ATP8B4: variants seen among roughly 807,000 people sequenced by gnomAD.
ATP8B4 encodes ATPase phospholipid transporting 8B4 (putative).
ATP8B4 carries 133 observed loss-of-function variants against 145.6 expected under a neutral mutation model. The ratio of observed to expected loss-of-function variants is 0.91; its 90% CI spans 0.79 to 1.05. ATP8B4 has a LOEUF of 1.05. Among genes scored for constraint, ATP8B4 ranks in the 50% least tolerant of loss-of-function variants. ATP8B4 has a pLI of 0.00. For missense variants in ATP8B4, 1,458 were observed against 1,425.2 expected (o/e 1.02, Z -0.37); for synonymous variants, 507 against 492.9 (o/e 1.03, Z -0.38).
In ATP8B4 at chr15:50,031,037, G is replaced by A. The variant is rs562046635; in HGVS notation, c.362+7731C>T. Among the ~76,000 whole-genome samples the A allele has an allele frequency of 5.3e-5, 8 of 152,234 alleles. No individual in the cohort carries two copies. The South Asian group carries it at 1.7e-3, about 32-fold the overall frequency. ...ACTGCCCAAGAAATGATCAATCCAA[G>A]ACTTAAGAAGCTGAAATTAACTTAT... On this transcript the variant is annotated intron_variant, in intron 6 of 27. Coordinates refer to ENST00000284509, the MANE Select transcript of ATP8B4 (RefSeq NM_024837.4).
intron 1 of ATP8B4, among the ~76,000 whole-genome samples, chr15:50,143,584 TATACA>T (rs2044239597): frequency 9.2e-6 from 1 of 108,950 alleles, no homozygotes; most frequent in African/African-American, 5.4e-5. Context: ...AGTTATTGAC[TATACA>T]GAGTCAGCCG....
intron 6 of ATP8B4, among the ~76,000 whole-genome samples, chr15:50,029,480 T>C (rs978037049): frequency 1.3e-5 from 2 of 152,112 alleles, no homozygotes; most frequent in Non-Finnish European, 2.9e-5. Flanking sequence ...GTCTCTTCTT[T>C]CCTTCTCTTC....
At chr15:50,109,017 G>A (rs115701279) in intron 1 of ATP8B4, among the ~76,000 whole-genome samples, 252 of 152,164 alleles carry the variant, frequency 1.7e-3, no homozygotes, top group African/African-American at 5.9e-3. Context: ...CCCAGACCCC[G>A]GCCCCAAAAT....
intron 7 of ATP8B4, among the ~76,000 whole-genome samples, chr15:50,003,273 C>CGTGTGTGTGTGT (rs1491248763): frequency 7.0e-5 from 6 of 85,886 alleles, no homozygotes; most frequent in South Asian, 9.3e-4. Flanking sequence ...ATAGGGTGTG[C>CGTGTGTGTGTGT]ATGTGTGTGT....
chr15:50,034,769 G>A (rs2050711003), intron 6 of ATP8B4, among the ~76,000 whole-genome samples: 2 of 152,162 alleles, frequency 1.3e-5, no homozygotes, highest in South Asian at 2.1e-4. Flanking sequence ...TTTGAGGAGC[G>A]TGGGATTAGG....
intron 11 of ATP8B4, among the ~76,000 whole-genome samples, chr15:49,980,977 A>G (rs2046101053): frequency 6.6e-6 from 1 of 152,238 alleles, no homozygotes; most frequent in Non-Finnish European, 1.5e-5. Flanking sequence ...TTGTAAGACC[A>G]TGAATACCTC....
At chr15:50,050,431 T>C (rs1221823394) in intron 3 of ATP8B4, among the ~76,000 whole-genome samples, 1 of 152,208 alleles carries the variant, frequency 6.6e-6, no homozygotes, top group African/African-American at 2.4e-5. Flanking sequence ...TTTCTATACA[T>C]TTATAGTTGG....
chr15:50,164,073 A>T (rs2044560862), intron 1 of ATP8B4, among the ~76,000 whole-genome samples: 1 of 152,134 alleles, frequency 6.6e-6, no homozygotes, highest in African/African-American at 2.4e-5. Flanking sequence ...GTTGTTCAGG[A>T]GCCAATGCCT....
chr15:50,155,903 C>A (rs1289414881), intron 1 of ATP8B4, among the ~76,000 whole-genome samples: 1 of 151,064 alleles, frequency 6.6e-6, no homozygotes, highest in Non-Finnish European at 1.5e-5. Context: ...AGGCTGTGAA[C>A]TACAATTTTG....
chr15:49,946,065 T>C (rs957881599), intron 14 of ATP8B4, among the ~76,000 whole-genome samples: 4 of 152,196 alleles, frequency 2.6e-5, no homozygotes, highest in Non-Finnish European at 5.9e-5. Flanking sequence ...AAAATGTCCC[T>C]ATGTGAAGAT....
Position 49,928,412 on chromosome 15 carries a change from C to T in ATP8B4, c.1642+2707G>A, listed in dbSNP as rs115271375. On this transcript the variant is annotated intron_variant, in intron 16 of 27. Transcript: ENST00000284509. ...TCCAAAGGGTATAACAGCAACAATG[C>T]ATCCAGGGATGGTGAGGTCTAGTTG... Among the ~76,000 whole-genome samples, 1,510 of 152,132 alleles carry T rather than the reference C, an allele frequency of 9.9e-3. 32 individuals carry two copies. Among genetic ancestry groups the T allele is most frequent in the African/African-American group, 0.035 (1,469 of 41,518 alleles).
chr15:50,011,193 T>G (rs1599791788), intron 6 of ATP8B4, among the ~76,000 whole-genome samples: 1 of 152,250 alleles, frequency 6.6e-6, no homozygotes, highest in Middle Eastern at 3.4e-3. Flanking sequence ...GGTGCCAGCT[T>G]TATGCAGCAG....
At chr15:49,937,873 C>T (rs1273339477) in intron 14 of ATP8B4, among the ~76,000 whole-genome samples, 4 of 152,088 alleles carry the variant, frequency 2.6e-5, no homozygotes, top group Non-Finnish European at 5.9e-5. Context: ...TTATCATGCA[C>T]CTACTGTGGG....
chr15:49,953,121 C>CT (rs1723022081), intron 14 of ATP8B4, among the ~76,000 whole-genome samples: 1 of 152,074 alleles, frequency 6.6e-6, no homozygotes. Flanking sequence ...GGGCACCAAC[C>CT]TGATGCCAGT....
chr15:49,877,056 G>A (rs1277846980), intron 24 of ATP8B4, among the ~76,000 whole-genome samples: 1 of 152,206 alleles, frequency 6.6e-6, no homozygotes, highest in African/African-American at 2.4e-5. Flanking sequence ...CTGCATTTGG[G>A]ATTCCAGGTG....
intron 6 of ATP8B4, among the ~76,000 whole-genome samples, chr15:50,029,255 A>AAAAAAAACAAC (rs776952913): frequency 1.4e-5 from 2 of 141,156 alleles, no homozygotes. Context: ...AAAAAAAAAA[A>AAAAAAAACAAC]AACAGAAAAA....
At chr15:49,993,319 A>G (rs1351433527) in intron 9 of ATP8B4, among the ~76,000 whole-genome samples, 1 of 152,034 alleles carries the variant, frequency 6.6e-6, no homozygotes, top group Non-Finnish European at 1.5e-5. Flanking sequence ...ACAGGAAGGA[A>G]AGAAAGGAAA....
At chr15:50,121,833 A>C (rs576211570), upstream of ATP8B4, among the ~76,000 whole-genome samples, 1 of 152,260 alleles carries the variant, frequency 6.6e-6, no homozygotes, top group Admixed American at 6.5e-5. Context: ...TCTGTAGTCT[A>C]GAGTTTTCAA....
chr15:49,860,010 G>T lies in ATP8B4; in HGVS notation c.*184C>A. On this transcript the variant is annotated 3_prime_UTR_variant, in exon 28 of 28. Transcript: ENST00000284509. ...TCACAAACCAGACAGTGACCCTCTG[G>T]CCTGGTTTTCCATAGCGCACACTCC... is the stretch of plus-strand genomic sequence containing the variant. 1 of 621,988 alleles carries T rather than the reference G, an allele frequency of 1.6e-6. No individual in the cohort carries two copies. Among genetic ancestry groups the T allele is most frequent in the Non-Finnish European group, 2.6e-6 (1 of 381,630 alleles). 38.5% of individuals were successfully genotyped at this position (621,988 alleles called of 1,614,324 possible). A position where few individuals can be genotyped will look rare whatever the true frequency, so the allele number is the denominator to read the frequency against.
Sources: gnomAD v4.1 joint callset for allele counts (sites outside exome capture counted in the v4.1 genomes callset) on GRCh38, gnomAD v4.1.1 for gene constraint, MANE v1.5 for transcripts, NCBI Gene and HGNC (gene_info 2026-07-23, HGNC 2026-07-21) for gene names.